LUZP2: variants seen among roughly 807,000 people sequenced by gnomAD.
LUZP2 encodes leucine zipper protein 2.
A neutral mutation model predicts 51.6 loss-of-function variants in LUZP2; 52 were observed. The ratio of observed to expected loss-of-function variants is 1.01; its 90% CI spans 0.81 to 1.27. The LOEUF (loss-of-function observed/expected upper bound fraction) is 1.27, where lower values mean the gene tolerates loss of function less well. LUZP2 is among the 50% of genes most tolerant of loss of function. The pLI, the probability that LUZP2 is intolerant of heterozygous loss-of-function variation, is 0.00. For missense variants in LUZP2, 436 were observed against 395.4 expected, an observed-to-expected ratio of 1.10 and a Z score of -0.87; for synonymous variants, 154 against 137.3, an observed-to-expected ratio of 1.12 and a Z score of -0.85.
At chr11:24,733,492 C>A (rs1009872046) in intron 3 of LUZP2, among the ~76,000 whole-genome samples, 1 of 151,446 alleles carries the variant, frequency 6.6e-6, no homozygotes, top group Non-Finnish European at 1.5e-5. Context: ...ACCTGGAGGA[C>A]GTTATGTTAA....
At chr11:24,537,903 AT>A (rs917097085) in intron 1 of LUZP2, among the ~76,000 whole-genome samples, 26 of 151,920 alleles carry the variant, frequency 1.7e-4, no homozygotes, top group Middle Eastern at 3.2e-3. Flanking sequence ...CATAAAAAAA[AT>A]AAATAGGCTA....
chr11:24,814,942 A>C (rs953732508), intron 5 of LUZP2, among the ~76,000 whole-genome samples: 1 of 150,460 alleles, frequency 6.6e-6, no homozygotes, highest in Non-Finnish European at 1.5e-5. Context: ...CAGTGAGCTG[A>C]GATCGCACCA....
At chr11:24,685,320 T>C (rs1170749492) in intron 1 of LUZP2, among the ~76,000 whole-genome samples, 2 of 152,190 alleles carry the variant, frequency 1.3e-5, no homozygotes, top group Non-Finnish European at 2.9e-5. Context: ...GCATGGCAAG[T>C]GACTACCTGC....
intron 5 of LUZP2, among the ~76,000 whole-genome samples, chr11:24,900,669 G>A: frequency 6.6e-6 from 1 of 152,276 alleles, no homozygotes. Flanking sequence ...TTTTGCCAGT[G>A]AAGAGAAGTC....
chr11:24,776,058 T>A (rs925620322), intron 5 of LUZP2, among the ~76,000 whole-genome samples: 16 of 152,236 alleles, frequency 1.1e-4, no homozygotes, highest in African/African-American at 3.9e-4. Flanking sequence ...AAACAACCAA[T>A]CAAAAGTTTC....
rs1022364611 is a variant in LUZP2, at chr11:25,028,635, G to A, written c.766-21403G>A. 4.7e-5 allele frequency among the ~76,000 whole-genome samples: 7 copies of A among 150,488 alleles called. No individual in the cohort carries two copies. In the South Asian group the frequency reaches 1.2e-3, roughly 27 times the overall value. The stretch of plus-strand genomic sequence containing the variant: ...CTATTTTTAATTAGAAAGTAGAATC[G>A]TGTACCATTTTTTATTTCAGTAGAG... On this transcript the variant is annotated intron_variant, in intron 9 of 11. Coordinates refer to ENST00000336930, the MANE Select transcript of LUZP2 (RefSeq NM_001009909.4).
At chr11:24,758,162 C>G (rs1362987752) in intron 4 of LUZP2, among the ~76,000 whole-genome samples, 1 of 151,946 alleles carries the variant, frequency 6.6e-6, no homozygotes, top group East Asian at 1.9e-4. Flanking sequence ...ATAAACAAAT[C>G]TAAGAGTATA....
At chr11:24,763,982 G>A (rs1590474579) in intron 5 of LUZP2, among the ~76,000 whole-genome samples, 1 of 152,026 alleles carries the variant, frequency 6.6e-6, no homozygotes, top group Non-Finnish European at 1.5e-5. Context: ...TTTGAATCCT[G>A]ATTATGATGG....
intron 5 of LUZP2, among the ~76,000 whole-genome samples, chr11:24,801,495 C>G (rs1849697253): frequency 6.6e-6 from 1 of 151,728 alleles, no homozygotes; most frequent in African/African-American, 2.4e-5. Context: ...CATGACATTA[C>G]CACTACTTTA....
At chr11:25,076,883 A>G (rs887304312) in intron 10 of LUZP2, among the ~76,000 whole-genome samples, 1 of 152,044 alleles carries the variant, frequency 6.6e-6, no homozygotes, top group Non-Finnish European at 1.5e-5. Flanking sequence ...TAAAAAAGAT[A>G]CTGAGGATTT....
At chr11:24,945,677 A>C (rs1482416422) in intron 7 of LUZP2, among the ~76,000 whole-genome samples, 1 of 152,106 alleles carries the variant, frequency 6.6e-6, no homozygotes, top group African/African-American at 2.4e-5. Flanking sequence ...TGAACATTGG[A>C]TAATAGAGGT....
intron 5 of LUZP2, 26 bp downstream of exon 5, chr11:24,763,334 A>C (rs762736713): frequency 1.8e-6 from 2 of 1,120,632 alleles, no homozygotes; most frequent in African/African-American, 3.3e-5. Context: ...TCTTAGATAC[A>C]TTTTATATAG....
At chr11:25,057,944 G>A (rs1189894819) in intron 10 of LUZP2, among the ~76,000 whole-genome samples, 1 of 152,100 alleles carries the variant, frequency 6.6e-6, no homozygotes, top group African/African-American at 2.4e-5. Flanking sequence ...AAGAAATCTA[G>A]TTTGCTATTA....
intron 1 of LUZP2, among the ~76,000 whole-genome samples, chr11:24,696,699 A>G (rs530629365): frequency 6.6e-6 from 1 of 152,272 alleles, no homozygotes; most frequent in East Asian, 1.9e-4. Flanking sequence ...GAAATGTGAC[A>G]ATGAAAAACA....
rs112689239 is a variant in LUZP2, at chr11:24,514,722, G to T, written c.62+17417G>T. 1.2e-4 allele frequency among the ~76,000 whole-genome samples: 19 copies of T among 152,188 alleles called. 2 individuals are homozygous for T. Among genetic ancestry groups the T allele is most frequent in the African/African-American group, 4.3e-4 (18 of 41,518 alleles). On this transcript the variant is annotated intron_variant, in intron 1 of 11. Transcript: ENST00000336930. ...GAGAAAAGAAGGTTATGACAACACA[G>T]CAATAAGATTACATGAATCTATTTA...
At chr11:24,805,414 C>T (rs1849825159) in intron 5 of LUZP2, among the ~76,000 whole-genome samples, 1 of 152,030 alleles carries the variant, frequency 6.6e-6, no homozygotes, top group African/African-American at 2.4e-5. Flanking sequence ...AGGGTTTCAC[C>T]AGGTTGGCCA....
At chr11:25,077,522 C>CA in intron 11 of LUZP2, 116 bp downstream of exon 11, 1 of 312,888 alleles carries the variant, frequency 3.2e-6, no homozygotes, top group Non-Finnish European at 4.9e-6. Context: ...TTTTTTGAGA[C>CA]AGAGTCTTGC....
At chr11:24,566,894 TTATATATGTTATATA>T (rs1852253375) in intron 1 of LUZP2, among the ~76,000 whole-genome samples, 1 of 85,644 alleles carries the variant, frequency 1.2e-5, no homozygotes, top group African/African-American at 4.6e-5. Flanking sequence ...ATATACATAT[TTATATATGTTATATA>T]TATATATATG....
intron 7 of LUZP2, among the ~76,000 whole-genome samples, chr11:24,920,253 A>G (rs1227583791): frequency 1.3e-5 from 2 of 152,032 alleles, no homozygotes; most frequent in Non-Finnish European, 2.9e-5. Flanking sequence ...TTAAAATACC[A>G]TGTGTCATTC....
Sources: gnomAD v4.1 joint callset for allele counts (sites outside exome capture counted in the v4.1 genomes callset) on GRCh38, gnomAD v4.1.1 for gene constraint, MANE v1.5 for transcripts, NCBI Gene and HGNC (gene_info 2026-07-23, HGNC 2026-07-21) for gene names.